Variants in CES5A observed in about 807,000 individuals in gnomAD.
CES5A encodes the protein carboxylesterase 5.
In CES5A, 67 loss-of-function variants were observed where a neutral mutation model predicts 62.9. The observed-to-expected ratio is 1.07, with a 90% confidence interval of 0.88 to 1.31. The LOEUF is 1.31. Among genes scored for constraint, CES5A ranks in the 50% most tolerant of loss-of-function variants. The pLI, the probability that CES5A is intolerant of heterozygous loss-of-function variation, is 0.00. For synonymous variants in CES5A, 296 were observed against 280.8 expected, an observed-to-expected ratio of 1.05 and a Z score of -0.54; for missense variants, 748 against 708.5, an observed-to-expected ratio of 1.06 and a Z score of -0.63.
intron 1 of CES5A, among the ~76,000 whole-genome samples, chr16:55,907,840 G>A (rs1878987522): frequency 6.6e-6 from 1 of 152,170 alleles, no homozygotes; most frequent in Admixed American, 6.5e-5. Context: ...TGACTGATGA[G>A]CGGGTCTGTG....
chr16:55,944,423 C>A (rs1249607362), intron 2 of CES5A: 1 of 269,452 alleles, frequency 3.7e-6, no homozygotes, highest in Non-Finnish European at 7.2e-6. Context: ...CCCTGCAGTG[C>A]GGTCCAACCT....
intron 1 of CES5A, among the ~76,000 whole-genome samples, chr16:55,901,081 C>T (rs1431365849): frequency 2.0e-5 from 3 of 152,096 alleles, no homozygotes; most frequent in African/African-American, 7.2e-5. Context: ...TCCCACGTGT[C>T]ATGGGAGGGG....
At chr16:55,902,366 A>AAGTTAT (rs2033999090) in intron 1 of CES5A, among the ~76,000 whole-genome samples, 2 of 152,054 alleles carry the variant, frequency 1.3e-5, no homozygotes, top group Non-Finnish European at 1.5e-5. Context: ...CAATCCCCAC[A>AAGTTAT]AGTTATTACT....
chr16:55,922,687 T>C (rs1461322148), intron 1 of CES5A, among the ~76,000 whole-genome samples: 1 of 151,896 alleles, frequency 6.6e-6, no homozygotes, highest in Non-Finnish European at 1.5e-5. Context: ...CACTACATAA[T>C]AAGCCTAACT....
Position 55,846,578 on chromosome 16 carries a change from G to C in CES5A, c.1601C>G (p.Pro534Arg), listed in dbSNP as rs142487845. 3.0e-5 allele frequency: 48 copies of C among 1,614,148 alleles called. No individual in the cohort carries two copies. The South Asian group carries it at 4.8e-4, about 16-fold the overall frequency. ...NMSLGQRLKE[P>R]RVDFWTSTIP... ...GGTGCTGGTCCAAAAATCCACCCGC[G>C]GTTCTTTGAGTCTCTGTCCGAGGCT... Residue 534 changes from proline to arginine, a missense_variant, in exon 13 of 13, where the codon CCG (proline) becomes CGG (arginine). Transcript: ENST00000290567.
At chr16:55,907,858 T>C (rs1384251193) in intron 1 of CES5A, among the ~76,000 whole-genome samples, 1 of 152,174 alleles carries the variant, frequency 6.6e-6, no homozygotes, top group Non-Finnish European at 1.5e-5. Context: ...GTGGAATTAA[T>C]GAGGAAATCT....
Position 55,875,280 on chromosome 16 carries a change from C to T in CES5A, c.-59G>A. The T allele has an allele frequency of 6.3e-7, 1 of 1,586,672 alleles. No homozygotes were observed. On this transcript the variant is annotated 5_prime_UTR_variant, in exon 1 of 13. Coordinates refer to ENST00000290567, the MANE Select transcript of CES5A (RefSeq NM_001143685.2). ...GGCGGCTGCTGGCCTCAGAGAGCTT[C>T]AGTTGGGAGCCAGAAAGAGCTTCCT...
chr16:55,859,324 C>T (rs570525076), intron 8 of CES5A, among the ~76,000 whole-genome samples: 20 of 152,320 alleles, frequency 1.3e-4, no homozygotes, highest in African/African-American at 4.1e-4. Context: ...TTGTTTCTTC[C>T]GCCCTAAACC....
chr16:55,896,887 AT>A (rs1195467660), intron 1 of CES5A, among the ~76,000 whole-genome samples: 1 of 152,252 alleles, frequency 6.6e-6, no homozygotes, highest in Non-Finnish European at 1.5e-5. Flanking sequence ...CAGAGTCAGC[AT>A]TTGAAAGTAA....
chr16:55,936,756 C>T (rs1001667137), intron 2 of CES5A, among the ~76,000 whole-genome samples: 1 of 152,146 alleles, frequency 6.6e-6, no homozygotes, highest in African/African-American at 2.4e-5. Flanking sequence ...TGACAGGGGT[C>T]ACACGAAGTT....
At chr16:55,920,051 A>G (rs2034187756) in intron 1 of CES5A, among the ~76,000 whole-genome samples, 1 of 152,194 alleles carries the variant, frequency 6.6e-6, no homozygotes. Context: ...CCAGCAGGAT[A>G]CAAAAAACAA....
At chr16:55,943,860 A>C (rs1003517192) in intron 2 of CES5A, among the ~76,000 whole-genome samples, 1 of 152,116 alleles carries the variant, frequency 6.6e-6, no homozygotes, top group Non-Finnish European at 1.5e-5. Flanking sequence ...CAGTTTCCCC[A>C]TCTTTCATAC....
At position 55,854,531 on chromosome 16, in the gene CES5A, C is replaced by CTTTTTTTTTTCT. The variant is rs1555479324; in HGVS notation, c.1126-1504_1126-1503insAGAAAAAAAAAA. Among the ~76,000 whole-genome samples, 425 of 52,086 alleles carry CTTTTTTTTTTCT rather than the reference C, an allele frequency of 8.2e-3. 16 individuals are homozygous for CTTTTTTTTTTCT. Among genetic ancestry groups the CTTTTTTTTTTCT allele is most frequent in the African/African-American group, 0.032 (350 of 11,088 alleles). The allele number at this position is 52,086 out of a possible 152,430, so 34.2% of individuals were successfully genotyped here. The stretch of plus-strand genomic sequence containing the variant: ...TGAGGGATATCTGCCTGTAGTGTTT[C>CTTTTTTTTTTCT]TTTTTTTTTTTTCTTTTTTTTTTTT... On this transcript the variant is annotated intron_variant, in intron 9 of 12. Coordinates refer to ENST00000290567, the MANE Select transcript of CES5A (RefSeq NM_001143685.2).
chr16:55,852,582 T>C (rs2033153527), intron 10 of CES5A, among the ~76,000 whole-genome samples: 2 of 152,216 alleles, frequency 1.3e-5, no homozygotes, highest in African/African-American at 4.8e-5. Context: ...GGGGAAGACA[T>C]TTCTAGAAAG....
In CES5A at chr16:55,873,937, G is replaced by A. The variant is rs141155112; in HGVS notation, c.174C>T (p.Leu58=). The A allele has an allele frequency of 3.4e-4, 544 of 1,613,662 alleles. No individual in the cohort carries two copies. Among genetic ancestry groups the A allele is most frequent in the Non-Finnish European group, 4.3e-4 (513 of 1,179,964 alleles). Reference sequence around the variant, plus strand: ...GCGGGGGAGCAGCAAAGGGGACTCCGAGGAACACGTTCACAGGCACAGGGC... The same window carrying A: ...GCGGGGGAGCAGCAAAGGGGACTCCAAGGAACACGTTCACAGGCACAGGGC... ...LGSPVPVNVF[L]GVPFAAPPLG... The change falls in exon 2 of 13, where the codon CTC becomes CTT. Residue 58 remains leucine (L), a synonymous_variant. Transcript: ENST00000290567.
intron 4 of CES5A, among the ~76,000 whole-genome samples, chr16:55,868,993 C>T (rs574784062): frequency 6.6e-6 from 1 of 152,202 alleles, no homozygotes; most frequent in African/African-American, 2.4e-5. Flanking sequence ...ACATGTTAGG[C>T]CTGATTGGAG....
At position 55,866,018 on chromosome 16, in the gene CES5A, G is replaced by T. The variant is rs9928302; in HGVS notation, c.650C>A (p.Pro217His). The change falls in exon 5 of 13, where the codon CCC becomes CAC. Residue 217 changes from proline (P) to histidine (H), a missense_variant. By Grantham distance (77) the Pro-to-His change is moderately conservative. Coordinates refer to ENST00000290567, the MANE Select transcript of CES5A (RefSeq NM_001143685.2). Reference sequence around the variant, plus strand: ...CTCGCCAAAGATGGTCACAGAGCTGGGGTCCCCACCGAAGAACTCGATGTT... The same window carrying T: ...CTCGCCAAAGATGGTCACAGAGCTGTGGTCCCCACCGAAGAACTCGATGTT... ...QKNIEFFGGD[P>H]SSVTIFGESA... 3.7e-3 allele frequency: 5,896 copies of T among 1,614,172 alleles called. 195 individuals carry two copies. In the African/African-American group the frequency reaches 0.071, roughly 20 times the overall value.
Position 55,869,594 on chromosome 16 carries a change from C to T in CES5A, c.551+17G>A. 2.5e-6 allele frequency: 4 copies of T among 1,612,302 alleles called. No individual in the cohort carries two copies. Among genetic ancestry groups the T allele is most frequent in the Non-Finnish European group, 3.4e-6 (4 of 1,179,118 alleles). ...CCCTTTGGGGATCTGGGATGTCCAT[C>T]ATTTGGAGAGACTCACGTGAAGAAA... On this transcript the variant is annotated intron_variant, in intron 4 of 12. Coordinates refer to ENST00000290567, the MANE Select transcript of CES5A (RefSeq NM_001143685.2).
intron 1 of CES5A, among the ~76,000 whole-genome samples, chr16:55,907,695 C>T (rs948100311): frequency 6.6e-6 from 1 of 152,124 alleles, no homozygotes; most frequent in Non-Finnish European, 1.5e-5. Context: ...TCATTATTCT[C>T]AGGTGAGCCC....
Sources: allele counts gnomAD v4.1 joint callset (sites outside exome capture counted in the v4.1 genomes callset), GRCh38; gene constraint gnomAD v4.1.1; transcripts MANE v1.5; gene names NCBI Gene and HGNC (gene_info 2026-07-23, HGNC 2026-07-21).